Variants in OTOF observed in about 807,000 individuals in gnomAD.
OTOF encodes the protein fer-1-like family member 2.
In OTOF, 218 loss-of-function variants were observed where a neutral mutation model predicts 236.8. The ratio of observed to expected loss-of-function variants is 0.92; its 90% CI spans 0.82 to 1.03. The LOEUF (loss-of-function observed/expected upper bound fraction) is 1.03. Ranked by LOEUF, OTOF falls within the 50% of genes least tolerant of loss-of-function variation. The pLI, the probability that OTOF is intolerant of heterozygous loss-of-function variation, is 0.00. For synonymous variants in OTOF, 1,041 were observed against 1,072.5 expected (o/e 0.97, Z 0.57); for missense variants, 2,590 against 2,694.4 (o/e 0.96, Z 0.86).
At position 26,460,860 on chromosome 2, in the gene OTOF, CA is replaced by C; in HGVS notation, c.5703del (p.Phe1901LeufsTer14). 6.2e-7 allele frequency: 1 copy of C among 1,614,198 alleles called. No individual in the cohort carries two copies. Among genetic ancestry groups the C allele is most frequent in the Non-Finnish European group, 8.5e-7 (1 of 1,180,010 alleles). ...PLLARNENDEFELTGKVEAEL... is the reference protein window; with the variant it reads ...PLLARNENDEXELTGKVEAEL... Reference sequence around the variant, plus strand: ...CAGGAAGGGGTGCGCACCGTGAGCTCAAACTCATCGTTCTCATTGCGGGCCA... The same window carrying C: ...CAGGAAGGGGTGCGCACCGTGAGCTCAACTCATCGTTCTCATTGCGGGCCA... On this transcript the variant is annotated frameshift_variant, in exon 44 of 47. Transcript: ENST00000272371. LOFTEE classifies it high-confidence loss of function. The surrounding 1 kb of genome is among the most constrained non-coding windows in gnomAD (Gnocchi z 5.3).
chr2:26,474,960 G>A (rs1045712954), intron 25 of OTOF, among the ~76,000 whole-genome samples: 1 of 152,028 alleles, frequency 6.6e-6, no homozygotes, highest in Admixed American at 6.6e-5. Context: ...AAGGTGGCTC[G>A]CTAACTCTCG....
At chr2:26,474,738 G>A in intron 25 of OTOF, 64 bp from the exon 26 acceptor site, 1 of 1,573,038 alleles carries the variant, frequency 6.4e-7, no homozygotes, top group Admixed American at 1.7e-5. Flanking sequence ...ATCTCGTTTG[G>A]TCCTTACCAC....
intron 13 of OTOF, among the ~76,000 whole-genome samples, chr2:26,483,062 GGTGT>G (rs1300711410): frequency 6.9e-6 from 1 of 144,364 alleles, no homozygotes; most frequent in African/African-American, 2.6e-5. Flanking sequence ...TGTGTGAGTG[GGTGT>G]GTGTGCGTGT....
Position 26,473,622 on chromosome 2 carries a change from C to A in OTOF, c.3409-55G>T. On this transcript the variant is annotated intron_variant, in intron 27 of 46. Transcript: ENST00000272371. The surrounding 1 kb of genome is among the most constrained non-coding windows in gnomAD (Gnocchi z 7.2). ...AAGAGAGCCCCTTAGTCAAGGGAGC[C>A]AGCCATGGGGGTGCTGGACCATCCA... 1.3e-6 allele frequency: 2 copies of A among 1,543,628 alleles called. No individual in the cohort carries two copies. Among genetic ancestry groups the A allele is most frequent in the Admixed American group, 1.8e-5 (1 of 55,380 alleles).
chr2:26,482,893 G>T (rs56846135), intron 13 of OTOF, among the ~76,000 whole-genome samples: 1 of 150,546 alleles, frequency 6.6e-6, no homozygotes, highest in Non-Finnish European at 1.5e-5. Context: ...GCATGTGTGC[G>T]TGTGTTAATG....
At chr2:26,524,534 C>T (rs1447359028) in intron 3 of OTOF, among the ~76,000 whole-genome samples, 2 of 152,098 alleles carry the variant, frequency 1.3e-5, no homozygotes, top group African/African-American at 4.8e-5. Context: ...CCAAAAACAC[C>T]TAATAGAAGC....
At chr2:26,538,538 T>C (rs1239015812) in intron 1 of OTOF, among the ~76,000 whole-genome samples, 1 of 152,228 alleles carries the variant, frequency 6.6e-6, no homozygotes, top group Non-Finnish European at 1.5e-5. Context: ...AAAGCTGCCC[T>C]CTTTGCTAGT....
chr2:26,527,856 T>C lies in OTOF; in HGVS notation c.203A>G (p.Asn68Ser), dbSNP rs1216996626. 2 of 1,613,812 alleles carry C rather than the reference T, an allele frequency of 1.2e-6. No homozygotes were observed. The highest frequency in any genetic ancestry group is 2.2e-5 in the South Asian group (2 of 91,068). The change falls in exon 3 of 47, where the codon AAC (asparagine) becomes AGC (serine). Residue 68 changes from asparagine to serine, a missense_variant. Asn to Ser is a conservative substitution (Grantham distance 46). This residue lies in a region of OTOF where 1,379 missense variants were observed against 1,341.6 expected (regional missense o/e 1.03). Transcript: ENST00000272371. ...CTTGTTGCTGAAGACTTTGCTGTAG[T>C]TGAAAACCTGAATCTCCAGCATCTC... is the stretch of plus-strand genomic sequence containing the variant. ...RNEMLEIQVF[N>S]YSKVFSNKLI...
chr2:26,541,776 C>T (rs1031020559), intron 1 of OTOF, among the ~76,000 whole-genome samples: 3 of 152,234 alleles, frequency 2.0e-5, no homozygotes, highest in Non-Finnish European at 2.9e-5. Context: ...ATCCAATCAC[C>T]TTTCTTGCCA....
intron 9 of OTOF, among the ~76,000 whole-genome samples, chr2:26,491,545 G>C (rs1260445586): frequency 6.6e-6 from 1 of 152,180 alleles, no homozygotes; most frequent in African/African-American, 2.4e-5. Context: ...GAAAAACAAA[G>C]ACAGAGTTGG....
At chr2:26,489,871 G>C in intron 9 of OTOF, 131 bp from the exon 10 acceptor site, 1 of 740,854 alleles carries the variant, frequency 1.3e-6, no homozygotes, top group Non-Finnish European at 2.5e-6. Context: ...AAGTTCAGAG[G>C]AGCAGCAGAG....
intron 8 of OTOF, among the ~76,000 whole-genome samples, chr2:26,501,078 C>A (rs1390120609): frequency 2.0e-5 from 3 of 152,182 alleles, no homozygotes; most frequent in Non-Finnish European, 2.9e-5. Flanking sequence ...AAGGGAGGGT[C>A]TGGAGCAATG....
chr2:26,489,132 C>T, intron 11 of OTOF, 79 bp downstream of exon 11: 1 of 1,028,076 alleles, frequency 9.7e-7, no homozygotes, highest in Non-Finnish European at 1.5e-6. Flanking sequence ...CCAGGAACTG[C>T]CACAGTGGGA....
At chr2:26,538,416 C>T (rs1353884764) in intron 1 of OTOF, among the ~76,000 whole-genome samples, 1 of 152,224 alleles carries the variant, frequency 6.6e-6, no homozygotes, top group African/African-American at 2.4e-5. Context: ...CTATTCCTGC[C>T]CCCACTTTCC....
At chr2:26,529,812 G>A (rs1418116999) in intron 2 of OTOF, among the ~76,000 whole-genome samples, 2 of 142,882 alleles carry the variant, frequency 1.4e-5, no homozygotes, top group Non-Finnish European at 3.2e-5. Flanking sequence ...GGGGTGGGGA[G>A]GGTTCTGAGC....
Position 26,476,296 on chromosome 2 carries a change from C to T in OTOF, c.2698G>A (p.Gly900Ser), listed in dbSNP as rs777581683. 6 of 1,605,104 alleles carry T rather than the reference C, an allele frequency of 3.7e-6. No homozygotes were observed. Among genetic ancestry groups the T allele is most frequent in the East Asian group, 2.2e-5 (1 of 44,856 alleles). Reference sequence around the variant, plus strand: ...GCCTGCACTGTCCAGCCTGCCGAGCCGAAGCCCCGCTTCCCTGGCAGCTGG... The same window carrying T: ...GCCTGCACTGTCCAGCCTGCCGAGCTGAAGCCCCGCTTCCCTGGCAGCTGG... ...FLKLPGKRGF[G>S]SAGWTVQAKV... Residue 900 changes from glycine to serine, a missense_variant, in exon 23 of 47, where the codon GGC becomes AGC. Coordinates refer to ENST00000272371, the MANE Select transcript of OTOF (RefSeq NM_194248.3).
chr2:26,467,058 G>A, intron 35 of OTOF, 41 bp downstream of exon 35: 4 of 1,608,760 alleles, frequency 2.5e-6, no homozygotes, highest in Non-Finnish European at 3.4e-6. Flanking sequence ...GGGGGCAAGG[G>A]CTGGCGGGTG....
At position 26,460,900 on chromosome 2, in the gene OTOF, GC is replaced by G; in HGVS notation, c.5663del (p.Gly1888AlafsTer27). 6.2e-7 allele frequency: 1 copy of G among 1,614,180 alleles called. No homozygotes were observed. The highest frequency in any genetic ancestry group is 1.1e-5 in the South Asian group (1 of 91,084). ...VSIFKQKRVK[G>X]WWPLLARNEN... The stretch of plus-strand genomic sequence containing the variant: ...CATTGCGGGCCAGGAGGGGCCACCA[GC>G]CTTTGACGCGCTTTTGCTTGAAGAT... On this transcript the variant is annotated frameshift_variant, in exon 44 of 47. Transcript: ENST00000272371. LOFTEE classifies it high-confidence loss of function. The surrounding 1 kb of genome is among the most constrained non-coding windows in gnomAD (Gnocchi z 5.3).
chr2:26,508,615 A>G (rs1354957002), intron 5 of OTOF, among the ~76,000 whole-genome samples: 1 of 152,246 alleles, frequency 6.6e-6, no homozygotes, highest in Non-Finnish European at 1.5e-5. Flanking sequence ...GCATCATGGA[A>G]GATGATGGGT....
Sources: allele counts gnomAD v4.1 joint callset (sites outside exome capture counted in the v4.1 genomes callset), GRCh38; gene constraint gnomAD v4.1.1; regional missense constraint gnomAD v4.1.1; non-coding constraint Gnocchi (gnomAD v3.1); transcripts MANE v1.5; gene names NCBI Gene and HGNC (gene_info 2026-07-23, HGNC 2026-07-21).